The following SYNCRIP variants were observed in gnomAD, a reference collection of about 807,000 sequenced individuals.
SYNCRIP encodes the protein synaptotagmin binding cytoplasmic RNA interacting protein.
Under a neutral mutation model 68.9 loss-of-function variants are expected in SYNCRIP, and 9 were observed. That is an observed-to-expected ratio of 0.13 (90% CI 0.08 to 0.23). SYNCRIP has a LOEUF of 0.23. SYNCRIP is among the 10% of genes least tolerant of loss of function. SYNCRIP has a pLI of 1.00. For synonymous variants in SYNCRIP, 258 were observed against 254.0 expected (o/e 1.02, Z -0.15); for missense variants, 414 against 770.6 (o/e 0.54, Z 5.48).
chr6:85,619,913 A>C (rs554440821), intron 8 of SYNCRIP, among the ~76,000 whole-genome samples: 1 of 152,280 alleles, frequency 6.6e-6, no homozygotes, highest in East Asian at 1.9e-4. Context: ...CATGCACACA[A>C]AAACTTAGAG....
chr6:85,633,085 T>C (rs925541460), intron 6 of SYNCRIP, among the ~76,000 whole-genome samples: 2 of 150,800 alleles, frequency 1.3e-5, no homozygotes, highest in Non-Finnish European at 2.9e-5. Flanking sequence ...ACCCTGTCTC[T>C]ACTAAAAAAA....
intron 4 of SYNCRIP, among the ~76,000 whole-genome samples, chr6:85,638,662 G>T (rs925572454): frequency 6.6e-6 from 1 of 152,088 alleles, no homozygotes; most frequent in Non-Finnish European, 1.5e-5. Flanking sequence ...AACTGTTTAT[G>T]AAAAATACTG....
chr6:85,610,158 A>C (rs1171103278), downstream of SYNCRIP: 1 of 151,936 alleles, frequency 6.6e-6, no homozygotes, highest in Non-Finnish European at 1.5e-5. Context: ...CAGAAATTTA[A>C]GTTTGAAAAT....
intron 8 of SYNCRIP, among the ~76,000 whole-genome samples, chr6:85,620,766 C>T (rs755199676): frequency 2.0e-5 from 3 of 152,120 alleles, no homozygotes; most frequent in Admixed American, 6.5e-5. Context: ...CAATTCTGTG[C>T]TTTCTGCTGT....
chr6:85,618,271 T>C (rs1806000239), intron 10 of SYNCRIP, among the ~76,000 whole-genome samples: 1 of 152,106 alleles, frequency 6.6e-6, no homozygotes, highest in African/African-American at 2.4e-5. Context: ...CCAGGCATGG[T>C]GGCTCACAGC....
downstream of SYNCRIP, chr6:85,610,678 C>A (rs1479263715): frequency 2.6e-5 from 4 of 151,968 alleles, no homozygotes; most frequent in African/African-American, 9.7e-5. Context: ...CAGTAAAGTG[C>A]CAATAGGCAT....
intron 4 of SYNCRIP, among the ~76,000 whole-genome samples, chr6:85,639,389 C>G (rs957651145): frequency 2.0e-5 from 3 of 152,192 alleles, no homozygotes; most frequent in Admixed American, 2.0e-4. Flanking sequence ...ACTAGATTTA[C>G]AGATCAAACT....
chr6:85,628,087 A>T (rs1807266192), intron 6 of SYNCRIP, among the ~76,000 whole-genome samples: 2 of 151,662 alleles, frequency 1.3e-5, no homozygotes, highest in Admixed American at 1.3e-4. Context: ...ACCGAGTCTC[A>T]CTCTGACACC....
chr6:85,631,329 ACTGTGTCTCC>A, intron 6 of SYNCRIP, among the ~76,000 whole-genome samples: 1 of 137,192 alleles, frequency 7.3e-6, no homozygotes, highest in Non-Finnish European at 1.6e-5. Flanking sequence ...ACAAAGCATG[ACTGTGTCTCC>A]AAAAAAAAAA....
chr6:85,630,799 G>T (rs990217042), intron 6 of SYNCRIP, among the ~76,000 whole-genome samples: 1 of 152,166 alleles, frequency 6.6e-6, no homozygotes, highest in African/African-American at 2.4e-5. Flanking sequence ...AGTTCTAAAT[G>T]TTAGGGAAAA....
intron 6 of SYNCRIP, 138 bp downstream of exon 6, chr6:85,636,829 C>G (rs1228687767): frequency 2.8e-6 from 2 of 705,036 alleles, no homozygotes; most frequent in African/African-American, 3.6e-5. Flanking sequence ...AATGCTTGCA[C>G]AGTGATGTGG....
At chr6:85,629,932 T>C (rs1247149702) in intron 6 of SYNCRIP, among the ~76,000 whole-genome samples, 1 of 150,504 alleles carries the variant, frequency 6.6e-6, no homozygotes, top group African/African-American at 2.5e-5. Flanking sequence ...TGCAGTGAGC[T>C]GAGATAGCGC....
chr6:85,612,909 G>A (rs1469795662), downstream of SYNCRIP: 3 of 1,550,702 alleles, frequency 1.9e-6, no homozygotes, highest in Non-Finnish European at 2.6e-6. Flanking sequence ...GACCGGCCTC[G>A]ACCCCTTTTC....
At chr6:85,615,489 TTAAG>T (rs1805667540) in intron 10 of SYNCRIP, 142 bp from the exon 11 acceptor site, 1 of 544,410 alleles carries the variant, frequency 1.8e-6, no homozygotes, top group Non-Finnish European at 3.1e-6. Flanking sequence ...TTGTACTAGA[TTAAG>T]TTTTAGTAGT....
At chr6:85,640,902 A>G (rs976308384) in intron 2 of SYNCRIP, among the ~76,000 whole-genome samples, 3 of 152,202 alleles carry the variant, frequency 2.0e-5, no homozygotes, top group African/African-American at 7.2e-5. Flanking sequence ...ACCTCTACTC[A>G]ATTTCAAATA....
intron 6 of SYNCRIP, among the ~76,000 whole-genome samples, chr6:85,625,322 T>C (rs557326091): frequency 6.6e-6 from 1 of 152,070 alleles, no homozygotes; most frequent in East Asian, 1.9e-4. Context: ...AGATGACTCC[T>C]GCTACTTTCT....
In SYNCRIP at chr6:85,640,338, A is replaced by G. The variant is rs1407156910; in HGVS notation, c.268-10T>C. The G allele has an allele frequency of 6.2e-7, 1 of 1,610,040 alleles. No homozygotes were observed. Among genetic ancestry groups the G allele is most frequent in the Non-Finnish European group, 8.5e-7 (1 of 1,177,478 alleles). The stretch of plus-strand genomic sequence containing the variant: ...AAAAGGCACTTTTGTTCTGCAAAAA[A>G]ATGTTCCATTAATATTTAACAATAA... On this transcript the variant is annotated splice_polypyrimidine_tract_variant and intron_variant, in intron 3 of 10. Coordinates refer to ENST00000369622, the MANE Select transcript of SYNCRIP (RefSeq NM_006372.5).
chr6:85,609,207 C>A (rs1267176910), downstream of SYNCRIP: 2 of 151,848 alleles, frequency 1.3e-5, no homozygotes, highest in Non-Finnish European at 2.9e-5. Flanking sequence ...AGTTTTAGCA[C>A]CCTCCCCTAA....
intron 6 of SYNCRIP, among the ~76,000 whole-genome samples, chr6:85,636,697 T>A (rs2128300582): frequency 6.6e-6 from 1 of 152,268 alleles, no homozygotes; most frequent in Middle Eastern, 3.4e-3. Flanking sequence ...CCTATAAATT[T>A]AAACAAACAC....
Sources: allele counts gnomAD v4.1 joint callset (sites outside exome capture counted in the v4.1 genomes callset), GRCh38; gene constraint gnomAD v4.1.1; transcripts MANE v1.5; gene names NCBI Gene and HGNC (gene_info 2026-07-23, HGNC 2026-07-21).